TMEM132D: variants seen among roughly 807,000 people sequenced by gnomAD.
TMEM132D encodes transmembrane protein 132D.
Under a neutral mutation model 62.3 loss-of-function variants are expected in TMEM132D, and 21 were observed. That is an observed-to-expected ratio of 0.34 (90% CI 0.24 to 0.49). TMEM132D has a LOEUF of 0.49. TMEM132D is among the 20% of genes least tolerant of loss of function. The pLI is 0.99. For missense variants in TMEM132D, 1,346 were observed against 1,402.8 expected, an observed-to-expected ratio of 0.96 and a Z score of 0.65; for synonymous variants, 621 against 575.6, an observed-to-expected ratio of 1.08 and a Z score of -1.13.
intron 1 of TMEM132D, among the ~76,000 whole-genome samples, chr12:129,828,754 GGAAA>G (rs1566000167): frequency 5.8e-4 from 26 of 44,578 alleles, no homozygotes; most frequent in East Asian, 9.1e-4. Context: ...GAGGGAGGGA[GGAAA>G]GGAGGGAGGG....
At chr12:129,813,631 T>TATATATATATATATA (rs36010730) in intron 1 of TMEM132D, among the ~76,000 whole-genome samples, 5 of 144,024 alleles carry the variant, frequency 3.5e-5, no homozygotes, top group African/African-American at 1.0e-4. Context: ...TATATATATA[T>TATATATATATATATA]TTTCAGGACT....
At position 129,779,740 on chromosome 12, in the gene TMEM132D, T is replaced by C. The variant is rs1454443519; in HGVS notation, c.80-79042A>G. 6.6e-6 allele frequency among the ~76,000 whole-genome samples: 1 copy of C among 152,138 alleles called. No homozygotes were observed. The highest frequency in any genetic ancestry group is 1.5e-5 in the Non-Finnish European group (1 of 68,024). On this transcript the variant is annotated intron_variant, in intron 1 of 8. Coordinates refer to ENST00000422113, the MANE Select transcript of TMEM132D (RefSeq NM_133448.3). The surrounding 1 kb of genome is among the most constrained non-coding windows in gnomAD (Gnocchi z 4.1). ...TTGTTCTGGCGAGTCTCATTACTTA[T>C]GGTTTATTCTGGGAACAGGATTTAA...
chr12:129,830,473 T>A (rs745482407), intron 1 of TMEM132D, among the ~76,000 whole-genome samples: 2 of 152,188 alleles, frequency 1.3e-5, no homozygotes, highest in Admixed American at 1.3e-4. Flanking sequence ...AAAGGCTTAG[T>A]AGAAACTCAA....
intron 1 of TMEM132D, among the ~76,000 whole-genome samples, chr12:129,703,924 CA>C (rs67547532): frequency 0.033 from 4,697 of 140,934 alleles, 163 homozygotes; most frequent in East Asian, 0.13. Flanking sequence ...CGGTAATAGG[CA>C]AAAAAAAAAA....
chr12:129,266,242 G>A (rs1367352383), intron 4 of TMEM132D, among the ~76,000 whole-genome samples: 1 of 151,996 alleles, frequency 6.6e-6, no homozygotes, highest in African/African-American at 2.4e-5. Flanking sequence ...GATGTCCTAC[G>A]GCCACACTGG....
intron 1 of TMEM132D, among the ~76,000 whole-genome samples, chr12:129,733,645 T>A (rs1869323655): frequency 6.7e-6 from 1 of 149,250 alleles, no homozygotes; most frequent in South Asian, 2.1e-4. Flanking sequence ...TGATGGGATC[T>A]GACATGTTGA....
At chr12:129,755,289 A>G (rs1023121098) in intron 1 of TMEM132D, among the ~76,000 whole-genome samples, 1 of 152,336 alleles carries the variant, frequency 6.6e-6, no homozygotes, top group Non-Finnish European at 1.5e-5. Flanking sequence ...CAGTCTTACC[A>G]TCTCTCTGGT....
chr12:129,696,010 G>C (rs781087637), intron 2 of TMEM132D, among the ~76,000 whole-genome samples: 4 of 152,180 alleles, frequency 2.6e-5, no homozygotes, highest in Non-Finnish European at 4.4e-5. Context: ...ACCTGAAATA[G>C]AATAAGAAGA....
intron 2 of TMEM132D, among the ~76,000 whole-genome samples, chr12:129,579,996 A>G (rs1877797010): frequency 6.6e-6 from 1 of 152,198 alleles, no homozygotes; most frequent in Non-Finnish European, 1.5e-5. Context: ...GAAGAGGGAC[A>G]ATAAAGACAA....
intron 2 of TMEM132D, among the ~76,000 whole-genome samples, chr12:129,536,617 A>G (rs1203958640): frequency 2.0e-5 from 3 of 152,150 alleles, no homozygotes; most frequent in Admixed American, 6.5e-5. Flanking sequence ...CAGCAGTTAC[A>G]TGGATATGCC....
chr12:129,191,806 T>C (rs1369735175), intron 5 of TMEM132D, among the ~76,000 whole-genome samples: 1 of 152,040 alleles, frequency 6.6e-6, no homozygotes, highest in African/African-American at 2.4e-5. Context: ...AAATATCTCC[T>C]GTTTTTGTCC....
intron 3 of TMEM132D, among the ~76,000 whole-genome samples, chr12:129,442,866 C>T (rs753653840): frequency 5.9e-5 from 9 of 152,154 alleles, no homozygotes; most frequent in East Asian, 1.9e-4. Context: ...CTGTTTTGGA[C>T]GCCATGGTGT....
chr12:129,276,747 G>C (rs1881017921), intron 4 of TMEM132D, among the ~76,000 whole-genome samples: 1 of 152,190 alleles, frequency 6.6e-6, no homozygotes, highest in Non-Finnish European at 1.5e-5. Flanking sequence ...CAGGATCCTT[G>C]CCTCCTCGTT....
chr12:129,347,500 G>A (rs964585589), intron 3 of TMEM132D, among the ~76,000 whole-genome samples: 11 of 152,042 alleles, frequency 7.2e-5, no homozygotes, highest in African/African-American at 2.7e-4. Flanking sequence ...AAAACTGGCT[G>A]GCCATATGCA....
At chr12:129,278,398 AG>A (rs1406856829) in intron 4 of TMEM132D, among the ~76,000 whole-genome samples, 1 of 151,920 alleles carries the variant, frequency 6.6e-6, no homozygotes, top group African/African-American at 2.4e-5. Context: ...CTGGAAGGTC[AG>A]TGAAAAATCT....
chr12:129,720,979 G>A (rs528014965), intron 1 of TMEM132D, among the ~76,000 whole-genome samples: 1 of 152,360 alleles, frequency 6.6e-6, no homozygotes, highest in East Asian at 1.9e-4. Context: ...TGGCTTCAGA[G>A]GTGAGGAATC....
At chr12:129,854,116 G>A (rs913950963) in intron 1 of TMEM132D, among the ~76,000 whole-genome samples, 2 of 152,116 alleles carry the variant, frequency 1.3e-5, no homozygotes, top group South Asian at 2.1e-4. Context: ...CCCATGTTAC[G>A]TCACTGGCTG....
intron 3 of TMEM132D, among the ~76,000 whole-genome samples, chr12:129,351,928 C>T (rs1186355155): frequency 1.3e-5 from 2 of 152,214 alleles, no homozygotes; most frequent in Non-Finnish European, 2.9e-5. Flanking sequence ...CGCAGTTAGG[C>T]AGGAATATCA....
chr12:129,228,785 C>A (rs745828207), intron 4 of TMEM132D, among the ~76,000 whole-genome samples: 1 of 152,326 alleles, frequency 6.6e-6, no homozygotes, highest in Middle Eastern at 3.4e-3. Context: ...CTGTTATGAT[C>A]AGTTAATCAA....
Sources: gnomAD v4.1 joint callset for allele counts (sites outside exome capture counted in the v4.1 genomes callset) on GRCh38, gnomAD v4.1.1 for gene constraint, Gnocchi (gnomAD v3.1) non-coding constraint, MANE v1.5 for transcripts, NCBI Gene and HGNC (gene_info 2026-07-23, HGNC 2026-07-21) for gene names.